The following DNAI3 variants were observed in gnomAD, a reference collection of about 807,000 sequenced individuals.
DNAI3 encodes WD repeat domain 63.
Under a neutral mutation model 115.5 loss-of-function variants are expected in DNAI3, and 83 were observed. That is an observed-to-expected ratio of 0.72 (90% CI 0.60 to 0.86). The LOEUF (loss-of-function observed/expected upper bound fraction) is 0.86. Ranked by LOEUF, DNAI3 falls within the 40% of genes least tolerant of loss-of-function variation. The probability of loss-of-function intolerance (pLI) is 0.00; values close to 1 mark genes in which losing one functional copy is unlikely to be tolerated. For synonymous variants in DNAI3, 320 were observed against 347.0 expected, an observed-to-expected ratio of 0.92 and a Z score of 0.86; for missense variants, 1,004 against 1,075.8, an observed-to-expected ratio of 0.93 and a Z score of 0.93.
chr1:85,132,482 GC>G (rs1656365082), intron 22 of DNAI3, among the ~76,000 whole-genome samples: 1 of 152,232 alleles, frequency 6.6e-6, no homozygotes, highest in African/African-American at 2.4e-5. Flanking sequence ...AGTAGTCATT[GC>G]CGTGTGATCC....
chr1:85,129,340 C>T (rs1656245135), intron 21 of DNAI3, among the ~76,000 whole-genome samples: 1 of 152,180 alleles, frequency 6.6e-6, no homozygotes, highest in Non-Finnish European at 1.5e-5. Flanking sequence ...GAACATTAAA[C>T]ATATAGATTG....
At chr1:85,109,389 T>G (rs1409388956) in intron 15 of DNAI3, among the ~76,000 whole-genome samples, 1 of 152,146 alleles carries the variant, frequency 6.6e-6, no homozygotes. Flanking sequence ...TGGGAAATAA[T>G]TGGAAAGAGA....
chr1:85,087,628 C>T (rs2100574059), intron 7 of DNAI3, among the ~76,000 whole-genome samples: 1 of 152,046 alleles, frequency 6.6e-6, no homozygotes, highest in South Asian at 2.1e-4. Context: ...ATTTTGTTTA[C>T]TGCTATGTTC....
At chr1:85,097,751 G>C in intron 12 of DNAI3, 96 bp downstream of exon 12, 1 of 994,960 alleles carries the variant, frequency 1.0e-6, no homozygotes, top group Non-Finnish European at 1.4e-6. Flanking sequence ...AAAAACTCAA[G>C]AGAAAAAAGG....
At chr1:85,122,716 A>T (rs1179912190) in intron 18 of DNAI3, among the ~76,000 whole-genome samples, 1 of 152,210 alleles carries the variant, frequency 6.6e-6, no homozygotes, top group East Asian at 1.9e-4. Context: ...TGAGTGACTG[A>T]CAGGGGAGCA....
rs1488982983 is a variant in DNAI3, at chr1:85,121,762, G to A, written c.1929G>A (p.Val643=). Residue 643 remains valine (V), a synonymous_variant, in exon 18 of 23, where the codon GTG becomes GTA. Coordinates refer to ENST00000294664, the MANE Select transcript of DNAI3 (RefSeq NM_145172.5). ...KFFVGTEEGE[V]IYTDWKMEKD... ...TGTAATATTTTTAGGAAGGCGAAGTGATATACACAGATTGGAAAATGGAAA... is the reference window on the plus strand; with the variant it reads ...TGTAATATTTTTAGGAAGGCGAAGTAATATACACAGATTGGAAAATGGAAA... 6.2e-7 allele frequency: 1 copy of A among 1,614,152 alleles called. No individual in the cohort carries two copies. Among genetic ancestry groups the A allele is most frequent in the Non-Finnish European group, 8.5e-7 (1 of 1,179,992 alleles).
chr1:85,065,165 A>G (rs1654055982), intron 1 of DNAI3, among the ~76,000 whole-genome samples: 1 of 152,030 alleles, frequency 6.6e-6, no homozygotes, highest in Admixed American at 6.6e-5. Flanking sequence ...GGAAGATAAG[A>G]CTTTCGTAAG....
chr1:85,101,261 T>C (rs1230675251), intron 13 of DNAI3, among the ~76,000 whole-genome samples: 1 of 152,168 alleles, frequency 6.6e-6, no homozygotes, highest in Admixed American at 6.5e-5. Flanking sequence ...CAATGATACT[T>C]TTAAAAGTCA....
At chr1:85,063,534 A>G (rs368562553) in intron 1 of DNAI3, among the ~76,000 whole-genome samples, 58 of 152,376 alleles carry the variant, frequency 3.8e-4, no homozygotes, top group African/African-American at 1.4e-3. Flanking sequence ...ATAGACCACC[A>G]GTGCAAGACT....
At chr1:85,066,960 T>C (rs986160172) in intron 1 of DNAI3, among the ~76,000 whole-genome samples, 17 of 152,246 alleles carry the variant, frequency 1.1e-4, no homozygotes, top group Non-Finnish European at 1.9e-4. Context: ...ATTATTCATT[T>C]GGTTTCGATA....
chr1:85,127,776 G>A (rs1656192297), intron 20 of DNAI3, among the ~76,000 whole-genome samples: 1 of 152,122 alleles, frequency 6.6e-6, no homozygotes, highest in Non-Finnish European at 1.5e-5. Flanking sequence ...ATTTGAAGCA[G>A]ACCTACTAAA....
At chr1:85,064,572 C>CTA (rs1317844240) in intron 1 of DNAI3, among the ~76,000 whole-genome samples, 3 of 152,082 alleles carry the variant, frequency 2.0e-5, no homozygotes, top group Non-Finnish European at 4.4e-5. Context: ...GGGTTTTATT[C>CTA]TAAATCAATG....
At chr1:85,082,207 G>C in intron 4 of DNAI3, 93 bp from the exon 5 acceptor site, 1 of 960,880 alleles carries the variant, frequency 1.0e-6, no homozygotes, top group Non-Finnish European at 1.6e-6. Flanking sequence ...TTCTATAATT[G>C]GTTGATTAGC....
intron 3 of DNAI3, among the ~76,000 whole-genome samples, chr1:85,076,218 G>A (rs942617859): frequency 1.3e-5 from 2 of 151,980 alleles, no homozygotes; most frequent in African/African-American, 4.8e-5. Flanking sequence ...TGATCCTCCT[G>A]TCACCATCTT....
At chr1:85,089,691 C>A (rs912262396) in intron 7 of DNAI3, among the ~76,000 whole-genome samples, 1 of 151,538 alleles carries the variant, frequency 6.6e-6, no homozygotes, top group Admixed American at 6.6e-5. Flanking sequence ...TTGTGACAAC[C>A]AAAAATGTTT....
intron 1 of DNAI3, among the ~76,000 whole-genome samples, chr1:85,069,138 G>A (rs1310122362): frequency 3.3e-5 from 5 of 152,182 alleles, no homozygotes; most frequent in Non-Finnish European, 5.9e-5. Context: ...AGCTTTGCCT[G>A]TAGTCTTTCC....
chr1:85,076,581 G>A (rs1654461269), intron 3 of DNAI3, among the ~76,000 whole-genome samples: 1 of 152,162 alleles, frequency 6.6e-6, no homozygotes, highest in Non-Finnish European at 1.5e-5. Flanking sequence ...GGTGAATGAG[G>A]AGCAAAGTCA....
intron 10 of DNAI3, among the ~76,000 whole-genome samples, chr1:85,095,141 A>G (rs949073885): frequency 4.6e-5 from 7 of 152,176 alleles, no homozygotes; most frequent in Admixed American, 2.0e-4. Context: ...ATAGCAATTC[A>G]AATAAAATGA....
At chr1:85,064,141 C>T (rs982983734) in intron 1 of DNAI3, among the ~76,000 whole-genome samples, 1 of 151,868 alleles carries the variant, frequency 6.6e-6, no homozygotes, top group African/African-American at 2.4e-5. Context: ...TTTGTAATCC[C>T]ATGTTTTTAT....
Sources: allele counts gnomAD v4.1 joint callset (sites outside exome capture counted in the v4.1 genomes callset), GRCh38; gene constraint gnomAD v4.1.1; transcripts MANE v1.5; gene names NCBI Gene and HGNC (gene_info 2026-07-23, HGNC 2026-07-21).